STX6: variants seen among roughly 807,000 people sequenced by gnomAD.
The protein encoded by STX6 is syntaxin 6.
A neutral mutation model predicts 38.0 loss-of-function variants in STX6; 23 were observed. The observed-to-expected ratio is 0.60, with a 90% confidence interval of 0.43 to 0.86. The LOEUF is 0.86. Ranked by LOEUF, STX6 falls within the 40% of genes least tolerant of loss-of-function variation. The probability of loss-of-function intolerance (pLI) is 0.00; values close to 1 mark genes in which losing one functional copy is unlikely to be tolerated. For synonymous variants in STX6, 123 were observed against 107.5 expected (o/e 1.14, Z -0.89); for missense variants, 274 against 312.9 (o/e 0.88, Z 0.94).
At chr1:180,990,255 G>A in intron 4 of STX6, 146 bp from the exon 5 acceptor site, 1 of 979,094 alleles carries the variant, frequency 1.0e-6, no homozygotes, top group Non-Finnish European at 1.5e-6. Flanking sequence ...GGTGTAGGTT[G>A]GTGCCTGGGT....
intron 6 of STX6, among the ~76,000 whole-genome samples, chr1:180,985,398 T>C (rs1156914118): frequency 6.6e-6 from 1 of 152,256 alleles, no homozygotes; most frequent in African/African-American, 2.4e-5. Context: ...ACAGGGCTCT[T>C]GTGAGAACCA....
intron 1 of STX6, among the ~76,000 whole-genome samples, chr1:181,013,157 C>T (rs996779296): frequency 5.0e-5 from 7 of 139,052 alleles, no homozygotes; most frequent in African/African-American, 1.8e-4. Context: ...AAATACAGTC[C>T]AAAAAAAAAA....
chr1:180,980,821 C>T (rs1428420612), intron 7 of STX6: 1 of 152,042 alleles, frequency 6.6e-6, no homozygotes, highest in Non-Finnish European at 1.5e-5. Flanking sequence ...TGTGGTACAT[C>T]CAGACAATAG....
intron 2 of STX6, among the ~76,000 whole-genome samples, chr1:181,003,794 T>C (rs1656149732): frequency 6.6e-6 from 1 of 152,240 alleles, no homozygotes; most frequent in African/African-American, 2.4e-5. Flanking sequence ...AAAAAGGCTA[T>C]ATAATGAAGT....
intron 3 of STX6, among the ~76,000 whole-genome samples, chr1:180,995,154 G>T (rs998999022): frequency 2.0e-5 from 3 of 151,916 alleles, no homozygotes; most frequent in African/African-American, 7.3e-5. Flanking sequence ...GTAGAGACAG[G>T]GTTTCAGTAT....
Position 180,993,370 on chromosome 1 carries a change from T to C in STX6, c.356A>G (p.Asn119Ser), listed in dbSNP as rs755187145. The change falls in exon 4 of 8, where the codon AAT becomes AGT. Residue 119 changes from asparagine (N) to serine (S), a missense_variant. By Grantham distance (46) the Asn-to-Ser change is conservative. Coordinates refer to ENST00000258301, the MANE Select transcript of STX6 (RefSeq NM_005819.6). ...SSVQALAERK[N>S]RQALLGDSGS... ...ATTCTGATGTTTTCTCACCTGTCTA[T>C]TTTTTCTTTCAGCTAATGCCTGCAC... 1 of 1,566,054 alleles carries C rather than the reference T, an allele frequency of 6.4e-7. No homozygotes were observed. The highest frequency in any genetic ancestry group is 1.7e-4 in the Middle Eastern group (1 of 5,954).
intron 2 of STX6, among the ~76,000 whole-genome samples, chr1:181,004,665 A>G (rs910799249): frequency 2.8e-4 from 42 of 152,202 alleles, no homozygotes; most frequent in Non-Finnish European, 1.3e-4. Context: ...TATCCTTTGT[A>G]ATATCCTTTA....
Position 181,002,715 on chromosome 1 carries a change from C to A in STX6, c.206-15G>T. The A allele has an allele frequency of 1.9e-6, 3 of 1,549,054 alleles. No individual in the cohort carries two copies. In the South Asian group the frequency reaches 3.4e-5, roughly 17 times the overall value. On this transcript the variant is annotated splice_polypyrimidine_tract_variant and intron_variant, in intron 2 of 7. Coordinates refer to ENST00000258301, the MANE Select transcript of STX6 (RefSeq NM_005819.6). ...TTCAACTATGCGTAGGTCAAAAAGT[C>A]AAGGTAAAACAATTTCATCATCAAA...
At chr1:181,020,253 T>G (rs190516106) in intron 1 of STX6, among the ~76,000 whole-genome samples, 80 of 152,212 alleles carry the variant, frequency 5.3e-4, no homozygotes, top group African/African-American at 1.9e-3. Context: ...TAAATACAGA[T>G]CAATTATTTC....
intron 1 of STX6, among the ~76,000 whole-genome samples, chr1:181,008,944 G>C (rs376913851): frequency 2.0e-5 from 3 of 151,836 alleles, no homozygotes; most frequent in East Asian, 1.9e-4. Flanking sequence ...GCTCGGGGCG[G>C]GGGGAAAACA....
intron 7 of STX6, 134 bp from the exon 8 acceptor site, chr1:180,976,780 C>T: frequency 1.3e-6 from 1 of 766,876 alleles, no homozygotes; most frequent in Admixed American, 2.2e-5. Context: ...TGATCTTACA[C>T]CTGCCTAGGT....
At chr1:181,010,970 T>C (rs928581753) in intron 1 of STX6, among the ~76,000 whole-genome samples, 11 of 152,172 alleles carry the variant, frequency 7.2e-5, no homozygotes, top group Non-Finnish European at 1.5e-4. Flanking sequence ...GCACTGAGTG[T>C]GAAGCCAAGG....
chr1:180,998,201 T>C (rs1655968939), intron 3 of STX6, among the ~76,000 whole-genome samples: 1 of 152,192 alleles, frequency 6.6e-6, no homozygotes, highest in Non-Finnish European at 1.5e-5. Flanking sequence ...ATTAAATGTG[T>C]ATTCTAAAGT....
rs1254563877 is a variant in STX6 at position 180,974,504 on chromosome 1, C to A, written c.*2066G>T. Reference sequence around the variant, plus strand: ...ATGACTAGGTTTGTTCCAAACGGCCCCTGCTGACACACATGATCCTTTTGT... The same window carrying A: ...ATGACTAGGTTTGTTCCAAACGGCCACTGCTGACACACATGATCCTTTTGT... On this transcript the variant is annotated 3_prime_UTR_variant, in exon 8 of 8. Coordinates refer to ENST00000258301, the MANE Select transcript of STX6 (RefSeq NM_005819.6). 1 of 152,562 alleles carries A rather than the reference C, an allele frequency of 6.6e-6. No individual in the cohort carries two copies. The highest frequency in any genetic ancestry group is 6.5e-5 in the Admixed American group (1 of 15,274). The allele number at this position is 152,562 out of a possible 1,614,324, so 9.5% of individuals were successfully genotyped here.
At chr1:180,996,441 T>C (rs187849970) in intron 3 of STX6, among the ~76,000 whole-genome samples, 206 of 152,216 alleles carry the variant, frequency 1.4e-3, no homozygotes, top group African/African-American at 4.8e-3. Flanking sequence ...ATCAAAGAAG[T>C]GTAGCTAAGA....
At position 181,008,273 on chromosome 1, in the gene STX6, C is replaced by T. The variant is rs140759122; in HGVS notation, c.36-2810G>A. On this transcript the variant is annotated intron_variant, in intron 1 of 7. Transcript: ENST00000258301. ...AGGGCGCTTTGTTTCCCTTATACTA[C>T]GATCCATTGGTCAATCTTGTACAGG... 6.3e-3 allele frequency among the ~76,000 whole-genome samples: 957 copies of T among 152,256 alleles called. 15 individuals are homozygous for T. Among genetic ancestry groups the T allele is most frequent in the African/African-American group, 0.022 (921 of 41,548 alleles).
chr1:180,979,993 G>A (rs1229016435), intron 7 of STX6, among the ~76,000 whole-genome samples: 1 of 152,138 alleles, frequency 6.6e-6, no homozygotes, highest in Non-Finnish European at 1.5e-5. Flanking sequence ...GATCACTTGA[G>A]GTTAGGAGTT....
At chr1:180,998,563 TAG>T (rs1655983440) in intron 3 of STX6, among the ~76,000 whole-genome samples, 1 of 152,114 alleles carries the variant, frequency 6.6e-6, no homozygotes, top group African/African-American at 2.4e-5. Context: ...GTATTTTTAG[TAG>T]AGACAGAGTT....
At chr1:180,984,580 A>C in intron 7 of STX6, 97 bp downstream of exon 7, 1 of 498,990 alleles carries the variant, frequency 2.0e-6, no homozygotes, top group Non-Finnish European at 3.7e-6. Flanking sequence ...GTAAAAAATA[A>C]GAAAGGGATC....
Sources: gnomAD v4.1 joint callset for allele counts (sites outside exome capture counted in the v4.1 genomes callset) on GRCh38, gnomAD v4.1.1 for gene constraint, MANE v1.5 for transcripts, NCBI Gene and HGNC (gene_info 2026-07-23, HGNC 2026-07-21) for gene names.